Variants in USP43 observed in about 807,000 individuals in gnomAD.
USP43 encodes the protein ubiquitin specific peptidase 43.
In USP43, 33 loss-of-function variants were observed where a neutral mutation model predicts 90.7. That is an observed-to-expected ratio of 0.36 (90% CI 0.28 to 0.49). The LOEUF is 0.49. Ranked by LOEUF, USP43 falls within the 20% of genes least tolerant of loss-of-function variation. The pLI is 0.98. For missense variants in USP43, 1,274 were observed against 1,476.4 expected, an observed-to-expected ratio of 0.86 and a Z score of 2.25; for synonymous variants, 598 against 615.8, an observed-to-expected ratio of 0.97 and a Z score of 0.43.
chr17:9,697,480 C>A (rs1232794407), intron 9 of USP43, among the ~76,000 whole-genome samples: 3 of 152,036 alleles, frequency 2.0e-5, no homozygotes, highest in African/African-American at 7.3e-5. Context: ...CCCTCTCTCC[C>A]TTCTTCCCTC....
Position 9,667,391 on chromosome 17 carries a change from C to A in USP43, c.740+640C>A, listed in dbSNP as rs560392111. 3.6e-3 allele frequency among the ~76,000 whole-genome samples: 536 copies of A among 149,542 alleles called. 4 individuals carry two copies. Among genetic ancestry groups the A allele is most frequent in the African/African-American group, 0.013 (519 of 40,714 alleles). On this transcript the variant is annotated intron_variant, in intron 3 of 14. Coordinates refer to ENST00000285199, the MANE Select transcript of USP43 (RefSeq NM_153210.5). ...TGGGCAACAGAGTGAAACCCTATCT[C>A]AAAAAAAAAGTAAATAAATAAATAA... is the stretch of plus-strand genomic sequence containing the variant.
chr17:9,717,118 C>T (rs1000027648), intron 14 of USP43, among the ~76,000 whole-genome samples: 2 of 147,588 alleles, frequency 1.4e-5, no homozygotes, highest in African/African-American at 5.0e-5. Context: ...AAGATGGTGC[C>T]ACTGCACTCC....
chr17:9,682,310 G>A (rs1914340335), intron 6 of USP43, among the ~76,000 whole-genome samples: 1 of 152,196 alleles, frequency 6.6e-6, no homozygotes, highest in South Asian at 2.1e-4. Flanking sequence ...GCTCACGCCT[G>A]AAATCCCAAC....
chr17:9,682,653 T>C (rs1307520642), intron 6 of USP43, among the ~76,000 whole-genome samples, 170 bp from the exon 7 acceptor site: 2 of 152,200 alleles, frequency 1.3e-5, no homozygotes, highest in Non-Finnish European at 2.9e-5. Flanking sequence ...AGGCGTCAGA[T>C]GGCACAAATG....
intron 9 of USP43, among the ~76,000 whole-genome samples, chr17:9,697,132 G>A (rs533444943): frequency 8.5e-5 from 13 of 152,206 alleles, no homozygotes; most frequent in Admixed American, 5.9e-4. Flanking sequence ...CAGGAGAATC[G>A]CTTGAACCCA....
intron 14 of USP43, among the ~76,000 whole-genome samples, chr17:9,718,171 C>T (rs916108523): frequency 6.6e-5 from 10 of 151,988 alleles, no homozygotes; most frequent in East Asian, 1.9e-4. Flanking sequence ...GCTTTTGGGA[C>T]GAGAAATATG....
chr17:9,646,168 C>G (rs1157231347), intron 1 of USP43, 32 bp downstream of exon 1: 4 of 1,395,950 alleles, frequency 2.9e-6, no homozygotes, highest in African/African-American at 3.1e-5. Context: ...ACCGCCCTGT[C>G]CCCCTGGTTT....
chr17:9,689,313 C>G lies in USP43; in HGVS notation c.1353+2404C>G, dbSNP rs139198993. Among the ~76,000 whole-genome samples, 458 of 151,944 alleles carry G rather than the reference C, an allele frequency of 3.0e-3. 1 individual carries two copies. Among genetic ancestry groups the G allele is most frequent in the South Asian group, 6.2e-3 (30 of 4,814 alleles). ...AGGTTTGGACATGAACTTCCCTAGC[C>G]AAGAATTGAGAACAGGAAAGTTTCT... On this transcript the variant is annotated intron_variant, in intron 8 of 14. Transcript: ENST00000285199.
At chr17:9,689,515 G>T (rs1914802943) in intron 8 of USP43, among the ~76,000 whole-genome samples, 1 of 151,826 alleles carries the variant, frequency 6.6e-6, no homozygotes, top group Non-Finnish European at 1.5e-5. Context: ...GGGCTCAAGT[G>T]ATCCTCCCAC....
At chr17:9,653,140 T>A (rs1911993549) in intron 1 of USP43, among the ~76,000 whole-genome samples, 1 of 152,238 alleles carries the variant, frequency 6.6e-6, no homozygotes, top group African/African-American at 2.4e-5. Flanking sequence ...GGGACATTTT[T>A]AAGGCCCTAT....
intron 8 of USP43, among the ~76,000 whole-genome samples, chr17:9,688,774 C>A (rs774081196): frequency 1.3e-5 from 2 of 152,098 alleles, no homozygotes; most frequent in African/African-American, 2.4e-5. Context: ...GCATCTTTGA[C>A]CTCCCAGGCT....
chr17:9,648,159 A>G (rs1176706056), intron 1 of USP43, among the ~76,000 whole-genome samples: 1 of 152,256 alleles, frequency 6.6e-6, no homozygotes, highest in African/African-American at 2.4e-5. Flanking sequence ...GAATTGAAGG[A>G]TAATCAAGTT....
chr17:9,667,688 G>T (rs1051394315), intron 3 of USP43, among the ~76,000 whole-genome samples: 3 of 152,212 alleles, frequency 2.0e-5, no homozygotes, highest in Non-Finnish European at 4.4e-5. Flanking sequence ...CAAGCTTAAA[G>T]GTGGGAATGA....
At chr17:9,678,716 C>T (rs947299547) in intron 5 of USP43, among the ~76,000 whole-genome samples, 4 of 151,174 alleles carry the variant, frequency 2.6e-5, no homozygotes, top group Non-Finnish European at 5.9e-5. Flanking sequence ...TATTTTGTAC[C>T]GCCCCTCCCC....
intron 3 of USP43, chr17:9,669,778 A>C (rs1361648935): frequency 6.6e-6 from 1 of 152,460 alleles, no homozygotes; most frequent in African/African-American, 2.4e-5. Flanking sequence ...TATTCCAGGC[A>C]GAGGACACAG....
intron 2 of USP43, among the ~76,000 whole-genome samples, chr17:9,657,225 G>A (rs1912321157): frequency 6.6e-6 from 1 of 152,156 alleles, no homozygotes; most frequent in Non-Finnish European, 1.5e-5. Flanking sequence ...AAATACCTGA[G>A]GCCGGGCGCG....
At chr17:9,681,947 G>T (rs534993625) in intron 6 of USP43, among the ~76,000 whole-genome samples, 1 of 152,252 alleles carries the variant, frequency 6.6e-6, no homozygotes, top group Non-Finnish European at 1.5e-5. Flanking sequence ...GCTGGGCATT[G>T]GAATCTAGAA....
At chr17:9,707,474 G>A (rs149371067) in intron 12 of USP43, among the ~76,000 whole-genome samples, 12,911 of 151,836 alleles carry the variant, frequency 0.085, 1,177 homozygotes, top group East Asian at 0.44. Context: ...GTGAAACCCC[G>A]TCTCTAATAA....
rs568993417 is a variant in USP43, at chr17:9,715,499, T to A, written c.2335+3367T>A. Among the ~76,000 whole-genome samples, 4 of 152,228 alleles carry A rather than the reference T, an allele frequency of 2.6e-5. No individual in the cohort carries two copies. The East Asian group carries it at 7.7e-4, about 29-fold the overall frequency. On this transcript the variant is annotated intron_variant, in intron 14 of 14. Transcript: ENST00000285199. ...AGCATTACTATGTAAGAACTGTATG[T>A]CTGTGTATGTGTGTTTGTGCCTGTG...
Sources: allele counts gnomAD v4.1 joint callset (sites outside exome capture counted in the v4.1 genomes callset), GRCh38; gene constraint gnomAD v4.1.1; transcripts MANE v1.5; gene names NCBI Gene and HGNC (gene_info 2026-07-23, HGNC 2026-07-21).